Variants in MFSD6 observed in about 807,000 individuals in gnomAD.
MFSD6 encodes major facilitator superfamily domain-containing protein 6.
In MFSD6, 26 loss-of-function variants were observed where a neutral mutation model predicts 56.3. The ratio of observed to expected loss-of-function variants is 0.46; its 90% confidence interval spans 0.34 to 0.64. The LOEUF is 0.64. Ranked by LOEUF, MFSD6 falls within the 30% of genes least tolerant of loss-of-function variation. The probability of loss-of-function intolerance (pLI) is 0.01; values close to 1 mark genes in which losing one functional copy is unlikely to be tolerated. For missense variants in MFSD6, 750 were observed against 986.2 expected (o/e 0.76, Z 3.21); for synonymous variants, 331 against 366.9 (o/e 0.90, Z 1.12).
intron 4 of MFSD6, among the ~76,000 whole-genome samples, chr2:190,470,903 GTA>G (rs148619709): frequency 1.3e-5 from 2 of 150,862 alleles, no homozygotes; most frequent in African/African-American, 2.4e-5. Context: ...TAAAATTCAA[GTA>G]TATATATATA....
Position 190,423,813 on chromosome 2 carries a change from TTTTTA to T in MFSD6, c.-54+8406_-54+8410del, listed in dbSNP as rs1193884550. On this transcript the variant is annotated intron_variant, in intron 2 of 7. Coordinates refer to ENST00000392328, the MANE Select transcript of MFSD6 (RefSeq NM_017694.4). This position sits in a 1 kb window ranked among gnomAD's most constrained non-coding sequence, Gnocchi z 4.3. ...TTATCAGAATTCAGTGTTATCCCTA[TTTTTA>T]TTTTAACCATTCTTATAGACGTGTA... is the stretch of plus-strand genomic sequence containing the variant. Among the ~76,000 whole-genome samples, 1 of 152,208 alleles carries T rather than the reference TTTTTA, an allele frequency of 6.6e-6. No individual in the cohort carries two copies. The highest frequency in any genetic ancestry group is 1.5e-5 in the Non-Finnish European group (1 of 68,036).
At position 190,462,030 on chromosome 2, in the gene MFSD6, TC is replaced by T. The variant is rs1451751504; in HGVS notation, c.1533-7727del. Among the ~76,000 whole-genome samples the T allele has an allele frequency of 6.6e-6, 1 of 152,110 alleles. No individual in the cohort carries two copies. Among genetic ancestry groups the T allele is most frequent in the Non-Finnish European group, 1.5e-5 (1 of 68,022 alleles). ...GAAGTACATAACTCACTATACGAAC[TC>T]AAAATCTACAGAAATATACTCCTTA... On this transcript the variant is annotated intron_variant, in intron 3 of 7. Transcript: ENST00000392328. This position sits in a 1 kb window ranked among gnomAD's most constrained non-coding sequence, Gnocchi z 5.7.
chr2:190,419,376 A>AT (rs926125164), intron 2 of MFSD6, among the ~76,000 whole-genome samples: 3 of 152,240 alleles, frequency 2.0e-5, no homozygotes, highest in African/African-American at 7.2e-5. Flanking sequence ...ATGTTGGCCA[A>AT]TAACAGTTGA....
rs1186042556 is a variant in MFSD6, at chr2:190,415,966, C to T, written c.-54+553C>T. On this transcript the variant is annotated intron_variant, in intron 2 of 7. Transcript: ENST00000392328. This position sits in a 1 kb window ranked among gnomAD's most constrained non-coding sequence, Gnocchi z 4.5. Reference sequence around the variant, plus strand: ...TCAGTGTCTAATAGTGTTAGAATAGCTCTGTAATGTGAACTGTTACTTTTT... The same window carrying T: ...TCAGTGTCTAATAGTGTTAGAATAGTTCTGTAATGTGAACTGTTACTTTTT... Among the ~76,000 whole-genome samples, 1 of 152,102 alleles carries T rather than the reference C, an allele frequency of 6.6e-6. No individual in the cohort carries two copies. The highest frequency in any genetic ancestry group is 1.5e-5 in the Non-Finnish European group (1 of 68,024).
In MFSD6 at chr2:190,495,507, C is replaced by A. The variant is rs187573085; in HGVS notation, c.1892-1932C>A. Among the ~76,000 whole-genome samples, 12 of 152,194 alleles carry A rather than the reference C, an allele frequency of 7.9e-5. No individual in the cohort carries two copies. Among genetic ancestry groups the A allele is most frequent in the Admixed American group, 2.0e-4 (3 of 15,282 alleles). On this transcript the variant is annotated intron_variant, in intron 6 of 7. Transcript: ENST00000392328. The surrounding 1 kb of genome is among the most constrained non-coding windows in gnomAD (Gnocchi z 4.7). ...AACTAGAAAAAACAATCCTAAATTT[C>A]ATATGGAGCCAAAAAAGAGCCTGCA...
intron 4 of MFSD6, among the ~76,000 whole-genome samples, chr2:190,477,994 T>G (rs1171891344): frequency 6.6e-6 from 1 of 152,156 alleles, no homozygotes; most frequent in Non-Finnish European, 1.5e-5. Flanking sequence ...GAATGGCCTC[T>G]TCAGGGAGCA....
chr2:190,426,915 C>G lies in MFSD6; in HGVS notation c.-53-9062C>G, dbSNP rs996424839. Among the ~76,000 whole-genome samples, 1 of 152,178 alleles carries G rather than the reference C, an allele frequency of 6.6e-6. No homozygotes were observed. Among genetic ancestry groups the G allele is most frequent in the African/African-American group, 2.4e-5 (1 of 41,434 alleles). On this transcript the variant is annotated intron_variant, in intron 2 of 7. Transcript: ENST00000392328. This position sits in a 1 kb window ranked among gnomAD's most constrained non-coding sequence, Gnocchi z 4.7. ...AAGGGAGGATGCTGCTTTATTACTG[C>G]CAGCTGGAGGTAGAAGTCCAAGTTC...
chr2:190,428,789 C>T (rs1206118315), intron 2 of MFSD6, among the ~76,000 whole-genome samples: 1 of 152,078 alleles, frequency 6.6e-6, no homozygotes, highest in African/African-American at 2.4e-5. Flanking sequence ...TCTCCTGCCT[C>T]AGCCCCCCGA....
At chr2:190,466,130 G>T (rs4853510) in intron 3 of MFSD6, among the ~76,000 whole-genome samples, 107,571 of 151,928 alleles carry the variant, frequency 0.71, 39,223 homozygotes, top group Admixed American at 0.79. Flanking sequence ...TAATCTCTTG[G>T]AAAAACACCA....
Position 190,498,269 on chromosome 2 carries a change from A to G in MFSD6, c.2172+550A>G, listed in dbSNP as rs143944415. ...TTAAAGCATGTTGATAAAAGTGTGG[A>G]TAATTGTACAGGTGTATCCCGACTT... On this transcript the variant is annotated intron_variant, in intron 7 of 7. Transcript: ENST00000392328. The surrounding 1 kb of genome is among the most constrained non-coding windows in gnomAD (Gnocchi z 5.9). Among the ~76,000 whole-genome samples, 709 of 152,318 alleles carry G rather than the reference A, an allele frequency of 4.7e-3. 6 individuals carry two copies. The highest frequency in any genetic ancestry group is 0.016 in the African/African-American group (684 of 41,568).
Position 190,418,188 on chromosome 2 carries a change from G to A in MFSD6, c.-54+2775G>A, listed in dbSNP as rs1690868022. Among the ~76,000 whole-genome samples the A allele has an allele frequency of 6.6e-6, 1 of 152,126 alleles. No homozygotes were observed. The highest frequency in any genetic ancestry group is 2.1e-4 in the South Asian group (1 of 4,834). The stretch of plus-strand genomic sequence containing the variant: ...TTTGGGCTGGTTATTTGCCTTCTCT[G>A]TGCCACAGTTTCCTCATTGGTAAAA... On this transcript the variant is annotated intron_variant, in intron 2 of 7. Transcript: ENST00000392328. This position sits in a 1 kb window ranked among gnomAD's most constrained non-coding sequence, Gnocchi z 4.1.
intron 3 of MFSD6, chr2:190,445,014 C>G: frequency 4.2e-6 from 1 of 236,984 alleles, no homozygotes; most frequent in Non-Finnish European, 6.9e-6. Context: ...CCTGAGGATA[C>G]AAGCCTGAAG....
At chr2:190,441,614 G>A (rs1686381581) in intron 3 of MFSD6, among the ~76,000 whole-genome samples, 3 of 152,032 alleles carry the variant, frequency 2.0e-5, no homozygotes, top group Non-Finnish European at 4.4e-5. Context: ...TACATGTGCT[G>A]GTCAGTACTC....
At position 190,461,334 on chromosome 2, in the gene MFSD6, C is replaced by T. The variant is rs923244648; in HGVS notation, c.1533-8424C>T. Reference sequence around the variant, plus strand: ...ATTCAAAAGGTATTTAGTAAAGTCTCTCTCCCACCCCTTGGGCAGTCCCCC... The same window carrying T: ...ATTCAAAAGGTATTTAGTAAAGTCTTTCTCCCACCCCTTGGGCAGTCCCCC... On this transcript the variant is annotated intron_variant, in intron 3 of 7. Transcript: ENST00000392328. The surrounding 1 kb of genome is among the most constrained non-coding windows in gnomAD (Gnocchi z 5.5). Among the ~76,000 whole-genome samples, 3 of 152,186 alleles carry T rather than the reference C, an allele frequency of 2.0e-5. No homozygotes were observed. Among genetic ancestry groups the T allele is most frequent in the Non-Finnish European group, 4.4e-5 (3 of 68,036 alleles).
chr2:190,444,290 C>T (rs996543319), intron 3 of MFSD6, among the ~76,000 whole-genome samples: 1 of 152,168 alleles, frequency 6.6e-6, no homozygotes, highest in African/African-American at 2.4e-5. Flanking sequence ...TGGCTTTAAG[C>T]CCAGTGTATG....
In MFSD6 at chr2:190,417,707, T is replaced by C. The variant is rs1022239202; in HGVS notation, c.-54+2294T>C. Among the ~76,000 whole-genome samples, 2 of 152,140 alleles carry C rather than the reference T, an allele frequency of 1.3e-5. No homozygotes were observed. Among genetic ancestry groups the C allele is most frequent in the African/African-American group, 4.8e-5 (2 of 41,420 alleles). ...CCCTTTAGTCTTGGGATAAATCTTTTACGGATCCTCTGCTGCCTTTTCTTT... is the reference window on the plus strand; with the variant it reads ...CCCTTTAGTCTTGGGATAAATCTTTCACGGATCCTCTGCTGCCTTTTCTTT... On this transcript the variant is annotated intron_variant, in intron 2 of 7. Coordinates refer to ENST00000392328, the MANE Select transcript of MFSD6 (RefSeq NM_017694.4). The surrounding 1 kb of genome is among the most constrained non-coding windows in gnomAD (Gnocchi z 5.7).
At chr2:190,421,494 G>GGTT (rs10686685) in intron 2 of MFSD6, among the ~76,000 whole-genome samples, 1 of 152,170 alleles carries the variant, frequency 6.6e-6, no homozygotes, top group Non-Finnish European at 1.5e-5. Context: ...ATGTTTACAA[G>GGTT]GTTACAAACC....
At chr2:190,484,436 A>T (rs13421959) in intron 4 of MFSD6, among the ~76,000 whole-genome samples, 1 of 152,198 alleles carries the variant, frequency 6.6e-6, no homozygotes, top group African/African-American at 2.4e-5. Flanking sequence ...CTAGTTTATA[A>T]TATCTTTTGT....
In MFSD6 at chr2:190,489,411, G is replaced by T. The variant is rs1251747895; in HGVS notation, c.1793-357G>T. On this transcript the variant is annotated intron_variant, in intron 5 of 7. Coordinates refer to ENST00000392328, the MANE Select transcript of MFSD6 (RefSeq NM_017694.4). The surrounding 1 kb of genome is among the most constrained non-coding windows in gnomAD (Gnocchi z 6.6). ...GCATTTATAGCACTATTTGAGCACT[G>T]CTGTTCCAACTACAGATTAATAGTG... 6.6e-6 allele frequency among the ~76,000 whole-genome samples: 1 copy of T among 152,198 alleles called. No individual in the cohort carries two copies. The highest frequency in any genetic ancestry group is 1.5e-5 in the Non-Finnish European group (1 of 68,042).
Sources: allele counts gnomAD v4.1 joint callset (sites outside exome capture counted in the v4.1 genomes callset), GRCh38; gene constraint gnomAD v4.1.1; non-coding constraint Gnocchi (gnomAD v3.1); transcripts MANE v1.5; gene names NCBI Gene and HGNC (gene_info 2026-07-23, HGNC 2026-07-21).